Variants in DMD observed in about 807,000 individuals in gnomAD.
DMD encodes the protein mutant dystrophin.
Under a neutral mutation model 330.1 loss-of-function variants are expected in DMD, and 63 were observed. The observed-to-expected ratio is 0.19, with a 90% CI of 0.16 to 0.24. The LOEUF (loss-of-function observed/expected upper bound fraction) is 0.24, where lower values mean the gene tolerates loss of function less well. Among genes scored for constraint, DMD ranks in the 10% least tolerant of loss-of-function variants. DMD has a pLI of 1.00. For missense variants in DMD, 3,344 were observed against 2,684.1 expected (o/e 1.25, Z -5.43); for synonymous variants, 1,223 against 959.8 (o/e 1.27, Z -5.07).
At chrX:31,323,143 C>T (rs141367473) in intron 62 of DMD, among the ~76,000 whole-genome samples, 2,852 of 111,925 alleles carry the variant, frequency 0.025, 38 homozygotes, top group Non-Finnish European at 0.041. Context: ...CCCTACGAGT[C>T]GAGGACTGCT....
intron 9 of DMD, among the ~76,000 whole-genome samples, chrX:32,689,606 A>G (rs1224119847): frequency 9.0e-6 from 1 of 111,264 alleles, no homozygotes; most frequent in Non-Finnish European, 1.9e-5. Context: ...ACATCCCAAG[A>G]AAACTGCAAC....
chrX:32,712,466 T>C (rs1419435791), intron 7 of DMD, among the ~76,000 whole-genome samples: 1 of 111,874 alleles, frequency 8.9e-6, no homozygotes, highest in African/African-American at 3.2e-5. Context: ...AAGATAATAC[T>C]AAATTGTCTG....
intron 7 of DMD, among the ~76,000 whole-genome samples, chrX:32,804,312 G>T (rs1197486787): frequency 1.8e-5 from 2 of 112,181 alleles, no homozygotes; most frequent in African/African-American, 6.5e-5. Context: ...CCATTACTGA[G>T]GCTTGAGTAG....
At chrX:31,871,370 G>A (rs146917907) in intron 48 of DMD, among the ~76,000 whole-genome samples, 2,042 of 111,356 alleles carry the variant, frequency 0.018, 21 homozygotes, top group Non-Finnish European at 0.026. Context: ...CATAAACAAT[G>A]TATTAGAACA....
intron 60 of DMD, among the ~76,000 whole-genome samples, chrX:31,407,427 A>G (rs2061444854): frequency 9.2e-6 from 1 of 108,351 alleles, no homozygotes; most frequent in South Asian, 4.1e-4. Context: ...CGGCCTCTCA[A>G]AGTGCTGGGA....
intron 51 of DMD, among the ~76,000 whole-genome samples, chrX:31,733,957 T>A (rs1001712332): frequency 4.5e-5 from 5 of 111,522 alleles, no homozygotes; most frequent in African/African-American, 1.6e-4. Context: ...TTCTTAAGAA[T>A]CTTCATAACC....
chrX:32,317,168 G>T (rs142448744), intron 41 of DMD, among the ~76,000 whole-genome samples: 5,461 of 110,807 alleles, frequency 0.049, 325 homozygotes, highest in African/African-American at 0.17. Flanking sequence ...GCAAGGAAAT[G>T]CTATAATCTG....
chrX:33,233,872 A>G (rs2148884024), intron 1 of DMD, among the ~76,000 whole-genome samples: 1 of 112,846 alleles, frequency 8.9e-6, no homozygotes, highest in African/African-American at 3.2e-5. Flanking sequence ...ATGTTTGAAT[A>G]TAATTTGCAA....
chrX:32,388,977 C>G (rs1277631588), intron 32 of DMD, among the ~76,000 whole-genome samples: 1 of 111,445 alleles, frequency 9.0e-6, no homozygotes, highest in African/African-American at 3.3e-5. Flanking sequence ...TGAGGCATTT[C>G]ACTGTATATC....
intron 12 of DMD, among the ~76,000 whole-genome samples, chrX:32,600,598 G>GCACA (rs201249837): frequency 0.33 from 30,913 of 94,991 alleles, 4,577 homozygotes; most frequent in African/African-American, 0.51. Flanking sequence ...ACACGCACAC[G>GCACA]CACACACACA....
intron 9 of DMD, among the ~76,000 whole-genome samples, chrX:32,653,696 A>C (rs764961212): frequency 1.8e-5 from 2 of 111,768 alleles, no homozygotes; most frequent in East Asian, 5.6e-4. Context: ...TCCGTGTAGA[A>C]AGTCATTGGT....
chrX:32,083,321 C>A (rs936566378), intron 44 of DMD, among the ~76,000 whole-genome samples: 4 of 108,441 alleles, frequency 3.7e-5, no homozygotes, highest in Non-Finnish European at 7.6e-5. Flanking sequence ...GTCGCCCAGG[C>A]TGGAGTGGAG....
chrX:32,317,065 G>A (rs1367813248), intron 41 of DMD, among the ~76,000 whole-genome samples: 1 of 110,998 alleles, frequency 9.0e-6, no homozygotes, highest in Admixed American at 9.6e-5. Flanking sequence ...GAGTTCTGAT[G>A]TGTACAAATC....
intron 44 of DMD, among the ~76,000 whole-genome samples, chrX:32,036,708 G>T (rs1476903350): frequency 9.0e-6 from 1 of 111,640 alleles, no homozygotes; most frequent in Non-Finnish European, 1.9e-5. Context: ...CATAAGAATG[G>T]TAATTGCGTT....
chrX:31,143,379 C>T (rs2036311885), intron 76 of DMD, among the ~76,000 whole-genome samples: 1 of 111,248 alleles, frequency 9.0e-6, no homozygotes, highest in Non-Finnish European at 1.9e-5. Flanking sequence ...GCCTTGCTTC[C>T]CCTTCACCTT....
At position 32,360,951 on chromosome X, in the gene DMD, A is replaced by G. The variant is rs548967309; in HGVS notation, c.5325+1837T>C. On this transcript the variant is annotated intron_variant, in intron 37 of 78. Coordinates refer to ENST00000357033, the MANE Select transcript of DMD (RefSeq NM_004006.3). ...TACTTACAAATTCATGCAGAATGTG[A>G]AATGAAAACTCACAAACTTGTCTTG... Among the ~76,000 whole-genome samples, 3 of 111,237 alleles carry G rather than the reference A, an allele frequency of 2.7e-5. No individual in the cohort carries two copies. In the South Asian group the frequency reaches 1.1e-3, roughly 42 times the overall value.
chrX:31,299,251 CG>C (rs919021427), intron 62 of DMD, among the ~76,000 whole-genome samples: 4 of 111,677 alleles, frequency 3.6e-5, no homozygotes, highest in African/African-American at 1.3e-4. Flanking sequence ...TTAATTACTA[CG>C]GATGAGGATT....
chrX:32,538,172 G>C (rs1018551367), intron 17 of DMD, among the ~76,000 whole-genome samples: 2 of 112,382 alleles, frequency 1.8e-5, no homozygotes, highest in Non-Finnish European at 3.8e-5. Context: ...AGGCCTCTGA[G>C]CCCAAGCTAA....
chrX:32,267,481 G>A (rs751125288), intron 43 of DMD, among the ~76,000 whole-genome samples: 2 of 111,880 alleles, frequency 1.8e-5, no homozygotes, highest in South Asian at 7.4e-4. Context: ...TGTACTTTTG[G>A]TCTTTTAGGA....
Sources: gnomAD v4.1 joint callset for allele counts (sites outside exome capture counted in the v4.1 genomes callset) on GRCh38, gnomAD v4.1.1 for gene constraint, MANE v1.5 for transcripts, NCBI Gene and HGNC (gene_info 2026-07-23, HGNC 2026-07-21) for gene names.